TUSC3: variants seen among roughly 807,000 people sequenced by gnomAD.
TUSC3 encodes tumor suppressor candidate 3, also known as dolichyl-diphosphooligosaccharide--protein glycosyltransferase subunit TUSC3.
Under a neutral mutation model 44.8 loss-of-function variants are expected in TUSC3, and 45 were observed. The observed-to-expected ratio is 1.00, with a 90% CI of 0.79 to 1.29. The LOEUF (loss-of-function observed/expected upper bound fraction) is 1.29. TUSC3 is among the 50% of genes most tolerant of loss of function. The pLI is 0.00. For synonymous variants in TUSC3, 212 were observed against 152.9 expected (o/e 1.39, Z -2.85); for missense variants, 519 against 437.9 (o/e 1.19, Z -1.65).
the TUSC3 span, among the ~76,000 whole-genome samples, chr8:15,839,607 C>G: frequency 4.9e-3 from 750 of 152,204 alleles, 7 homozygotes; most frequent in African/African-American, 0.017. Flanking sequence ...ATTTATGCAG[C>G]CAACAGATAC....
chr8:15,844,680 G>T, the TUSC3 span, among the ~76,000 whole-genome samples: 1 of 152,160 alleles, frequency 6.6e-6, no homozygotes. Context: ...TCACCTGCTG[G>T]TCCTAGGACA....
chr8:15,773,613 C>A, the TUSC3 span, among the ~76,000 whole-genome samples: 1 of 152,032 alleles, frequency 6.6e-6, no homozygotes, highest in Non-Finnish European at 1.5e-5. Flanking sequence ...TGCATGGGGT[C>A]CTGAATAGCC....
At chr8:15,480,077 G>C (rs1200152867) in intron 1 of TUSC3, among the ~76,000 whole-genome samples, 2 of 152,004 alleles carry the variant, frequency 1.3e-5, no homozygotes, top group East Asian at 1.9e-4. Flanking sequence ...ACAATACCTA[G>C]GAATACAGCT....
At chr8:15,420,731 T>C (rs1799728720) in intron 1 of TUSC3, among the ~76,000 whole-genome samples, 1 of 152,244 alleles carries the variant, frequency 6.6e-6, no homozygotes, top group South Asian at 2.1e-4. Context: ...AGCAGCTTCT[T>C]GTAACGGCAC....
Position 15,553,200 on chromosome 8 carries a change from C to T in TUSC3, c.138+12632C>T, listed in dbSNP as rs929952045. Reference sequence around the variant, plus strand: ...AGCAGAATATATGGAAATGAAGCTTCGATCTGGGCTGATGATAAAATAGAC... The same window carrying T: ...AGCAGAATATATGGAAATGAAGCTTTGATCTGGGCTGATGATAAAATAGAC... On this transcript the variant is annotated intron_variant, in intron 1 of 10. Coordinates refer to ENST00000503731, the MANE Select transcript of TUSC3 (RefSeq NM_006765.4). Among the ~76,000 whole-genome samples, 12 of 151,684 alleles carry T rather than the reference C, an allele frequency of 7.9e-5. 1 individual carries two copies. The highest frequency in any genetic ancestry group is 1.2e-4 in the Non-Finnish European group (8 of 67,886).
intron 5 of TUSC3, among the ~76,000 whole-genome samples, chr8:15,665,303 G>A (rs918580588): frequency 6.6e-6 from 1 of 151,330 alleles, no homozygotes; most frequent in Non-Finnish European, 1.5e-5. Flanking sequence ...GAAATGTCTG[G>A]TACAGAATCT....
At chr8:15,517,522 C>CAAAAAAAAAAA (rs71211049) in intron 2 of TUSC3, among the ~76,000 whole-genome samples, 2 of 77,572 alleles carry the variant, frequency 2.6e-5, no homozygotes, top group Non-Finnish European at 4.1e-5. Context: ...TAGCGTGAGG[C>CAAAAAAAAAAA]AAAAAAAAAA....
intron 2 of TUSC3, among the ~76,000 whole-genome samples, chr8:15,505,288 A>G (rs1040612798): frequency 2.0e-5 from 3 of 152,204 alleles, no homozygotes; most frequent in Non-Finnish European, 4.4e-5. Context: ...TGCACTGTCA[A>G]TTGTCAAAAA....
At chr8:15,609,752 T>TAA (rs140799021) in intron 1 of TUSC3, among the ~76,000 whole-genome samples, 38,589 of 150,632 alleles carry the variant, frequency 0.26, 5,025 homozygotes, top group Non-Finnish European at 0.28. Context: ...CAACAAACAT[T>TAA]TAAAAAAAAA....
chr8:15,522,010 A>C (rs1801306085), intron 2 of TUSC3, among the ~76,000 whole-genome samples: 1 of 152,192 alleles, frequency 6.6e-6, no homozygotes, highest in South Asian at 2.1e-4. Context: ...TAGAAATGAG[A>C]AGCATGTTAC....
At chr8:15,422,913 G>C (rs571299602) in intron 1 of TUSC3, among the ~76,000 whole-genome samples, 1 of 152,058 alleles carries the variant, frequency 6.6e-6, no homozygotes, top group African/African-American at 2.4e-5. Flanking sequence ...AAAGTGCTGG[G>C]ATTACAGGTA....
exon 2 of TUSC3, chr8:15,483,410 G>A (rs572699536): frequency 6.6e-4 from 116 of 175,204 alleles, no homozygotes; most frequent in East Asian, 8.2e-4. Context: ...GCACCATCTC[G>A]ACTCACCACA....
chr8:15,418,815 G>A (rs969172307), intron 1 of TUSC3, among the ~76,000 whole-genome samples: 2 of 152,274 alleles, frequency 1.3e-5, no homozygotes, highest in Admixed American at 6.5e-5. Flanking sequence ...AGACCAGCCT[G>A]GGCAACATAG....
At chr8:15,547,506 A>C (rs769202838) in intron 1 of TUSC3, among the ~76,000 whole-genome samples, 1 of 151,676 alleles carries the variant, frequency 6.6e-6, no homozygotes, top group African/African-American at 2.4e-5. Context: ...GGTGGTCGAT[A>C]ATAAGGCTTA....
intron 5 of TUSC3, among the ~76,000 whole-genome samples, chr8:15,670,228 G>A (rs1807882967): frequency 6.6e-6 from 1 of 151,852 alleles, no homozygotes; most frequent in East Asian, 1.9e-4. Context: ...TTGACAATGA[G>A]ATTTTAGCAG....
At chr8:15,568,641 C>T (rs111903904) in intron 1 of TUSC3, among the ~76,000 whole-genome samples, 4 of 145,566 alleles carry the variant, frequency 2.7e-5, no homozygotes, top group Non-Finnish European at 4.5e-5. Flanking sequence ...CTTGCTTTAT[C>T]GCCTAGGCTG....
chr8:15,632,051 A>G (rs903387400), intron 2 of TUSC3, among the ~76,000 whole-genome samples: 5 of 152,172 alleles, frequency 3.3e-5, no homozygotes, highest in Non-Finnish European at 7.3e-5. Context: ...ACTTTTAAGT[A>G]AATTAATATT....
chr8:15,585,192 G>C (rs1431902964), intron 1 of TUSC3, among the ~76,000 whole-genome samples: 1 of 152,128 alleles, frequency 6.6e-6, no homozygotes, highest in Non-Finnish European at 1.5e-5. Context: ...GTGGCATTAG[G>C]AATACAGATG....
In TUSC3 at chr8:15,602,664, A is replaced by ATG. The variant is rs1237881073; in HGVS notation, c.139-20415_139-20414insGT. Reference sequence around the variant, plus strand: ...TGGGGTTGTGAAGATTAAAATATTTATATGTGTGTGTGTGTGTGTGTGTGT... The same window carrying ATG: ...TGGGGTTGTGAAGATTAAAATATTTATGTATGTGTGTGTGTGTGTGTGTGTGT... On this transcript the variant is annotated intron_variant, in intron 1 of 10. Coordinates refer to ENST00000503731, the MANE Select transcript of TUSC3 (RefSeq NM_006765.4). 1.0e-3 allele frequency among the ~76,000 whole-genome samples: 106 copies of ATG among 102,390 alleles called. 1 individual carries two copies. In the Middle Eastern group the frequency reaches 0.014, roughly 14 times the overall value. 67.2% of individuals were successfully genotyped at this position (102,390 alleles called of 152,430 possible).
Sources: allele counts gnomAD v4.1 joint callset (sites outside exome capture counted in the v4.1 genomes callset), GRCh38; gene constraint gnomAD v4.1.1; transcripts MANE v1.5; gene names NCBI Gene and HGNC (gene_info 2026-07-23, HGNC 2026-07-21).